EPB41L2: variants seen among roughly 807,000 people sequenced by gnomAD.
EPB41L2 encodes band 4.1-like protein 2.
A neutral mutation model predicts 113.0 loss-of-function variants in EPB41L2; 43 were observed. The ratio of observed to expected loss-of-function variants is 0.38; its 90% confidence interval spans 0.30 to 0.49. The LOEUF (loss-of-function observed/expected upper bound fraction) is 0.49, where lower values mean the gene tolerates loss of function less well. EPB41L2 is among the 20% of genes least tolerant of loss of function. EPB41L2 has a pLI of 0.95. For synonymous variants in EPB41L2, 442 were observed against 436.7 expected, an observed-to-expected ratio of 1.01 and a Z score of -0.15; for missense variants, 1,147 against 1,223.4, an observed-to-expected ratio of 0.94 and a Z score of 0.93.
intron 1 of EPB41L2, among the ~76,000 whole-genome samples, chr6:131,046,386 G>A (rs188252942): frequency 6.6e-6 from 1 of 152,164 alleles, no homozygotes; most frequent in Admixed American, 6.5e-5. Context: ...TAACTAATGA[G>A]TGTACTGGGA....
Position 131,039,407 on chromosome 6 carries a change from C to T in EPB41L2, c.-15+23748G>A, listed in dbSNP as rs140726019. Among the ~76,000 whole-genome samples the T allele has an allele frequency of 1.5e-4, 23 of 152,248 alleles. No homozygotes were observed. The East Asian group carries it at 3.3e-3, about 22-fold the overall frequency. On this transcript the variant is annotated intron_variant, in intron 1 of 19. Transcript: ENST00000337057. ...CTGTTTAACACAAAATTTAACAACACGCAAACCCTTGAAATATTTTGTTCC... is the reference window on the plus strand; with the variant it reads ...CTGTTTAACACAAAATTTAACAACATGCAAACCCTTGAAATATTTTGTTCC...
intron 1 of EPB41L2, among the ~76,000 whole-genome samples, chr6:130,999,213 A>C (rs1343177258): frequency 6.6e-6 from 1 of 151,936 alleles, no homozygotes; most frequent in African/African-American, 2.4e-5. Flanking sequence ...AGAGCTCAGC[A>C]CTTTTCTACA....
intron 1 of EPB41L2, among the ~76,000 whole-genome samples, chr6:130,984,873 G>A (rs1780178428): frequency 6.6e-6 from 1 of 152,292 alleles, no homozygotes. Flanking sequence ...ATGGTAAATA[G>A]AAGAAACTTG....
intron 4 of EPB41L2, among the ~76,000 whole-genome samples, chr6:130,915,138 C>A (rs555349817): frequency 9.9e-5 from 15 of 151,816 alleles, no homozygotes; most frequent in Admixed American, 3.3e-4. Context: ...CCCGTCTCTA[C>A]TAAAAATACA....
chr6:131,033,905 G>A (rs573493600), intron 1 of EPB41L2, among the ~76,000 whole-genome samples: 22 of 152,274 alleles, frequency 1.4e-4, no homozygotes, highest in Admixed American at 9.2e-4. Flanking sequence ...ATGCTTCTGA[G>A]CTGCACATTT....
At chr6:130,968,756 T>G (rs1272663460) in intron 1 of EPB41L2, among the ~76,000 whole-genome samples, 1 of 151,534 alleles carries the variant, frequency 6.6e-6, no homozygotes, top group Non-Finnish European at 1.5e-5. Flanking sequence ...TAAAGTTAAG[T>G]ATTTCTACTC....
At chr6:131,030,683 T>C (rs17060002) in intron 1 of EPB41L2, among the ~76,000 whole-genome samples, 4,176 of 152,274 alleles carry the variant, frequency 0.027, 184 homozygotes, top group African/African-American at 0.094. Context: ...AAAGATGCAT[T>C]TGTAGTCAAA....
intron 3 of EPB41L2, among the ~76,000 whole-genome samples, chr6:130,942,730 C>T (rs1811301356): frequency 6.6e-6 from 1 of 152,162 alleles, no homozygotes; most frequent in Non-Finnish European, 1.5e-5. Context: ...TTAGGTATTT[C>T]TCCTAATGCT....
intron 1 of EPB41L2, among the ~76,000 whole-genome samples, chr6:131,053,272 GT>G (rs1407728297): frequency 2.6e-5 from 4 of 151,562 alleles, no homozygotes; most frequent in African/African-American, 9.7e-5. Context: ...AGAAAATCAT[GT>G]TATTTAGAGA....
intron 1 of EPB41L2, among the ~76,000 whole-genome samples, chr6:130,982,511 T>C (rs1033568617): frequency 2.0e-4 from 30 of 152,038 alleles, no homozygotes; most frequent in Admixed American, 2.0e-3. Context: ...AATAAAAAAA[T>C]AGGGGGAAAT....
At chr6:130,855,289 T>C (rs1298316226) in intron 19 of EPB41L2, among the ~76,000 whole-genome samples, 1 of 151,912 alleles carries the variant, frequency 6.6e-6, no homozygotes, top group Non-Finnish European at 1.5e-5. Context: ...AGGCGGAGGT[T>C]GAAGTGAACC....
At chr6:130,858,105 GC>G (rs769081979) in intron 19 of EPB41L2, 25 bp downstream of exon 19, 4 of 1,558,106 alleles carry the variant, frequency 2.6e-6, no homozygotes, top group Non-Finnish European at 2.7e-6. Context: ...CACTAGAAAG[GC>G]CACAGACAAT....
chr6:130,848,945 A>C (rs552596012), intron 19 of EPB41L2, among the ~76,000 whole-genome samples: 8 of 152,352 alleles, frequency 5.3e-5, no homozygotes, highest in African/African-American at 1.9e-4. Flanking sequence ...GAGGAGAGAC[A>C]CGAAGATGCT....
intron 3 of EPB41L2, among the ~76,000 whole-genome samples, chr6:130,947,024 C>CCA (rs1554291516): frequency 6.3e-5 from 9 of 143,762 alleles, no homozygotes; most frequent in Admixed American, 5.5e-4. Flanking sequence ...AAGACCCCCC[C>CCA]CCCAGCCCCT....
rs115495290 is a variant in EPB41L2 at position 131,054,487 on chromosome 6, C to T, written c.-15+8668G>A. Among the ~76,000 whole-genome samples, 1,016 of 152,302 alleles carry T rather than the reference C, an allele frequency of 6.7e-3. 20 individuals are homozygous for T. The highest frequency in any genetic ancestry group is 0.024 in the African/African-American group (981 of 41,542). The stretch of plus-strand genomic sequence containing the variant: ...AGTTCCTCCAAGTTGGTGCAAGTCC[C>T]TATCTTTCCCTATCTGTCTCTATCT... On this transcript the variant is annotated intron_variant, in intron 1 of 19. Coordinates refer to ENST00000337057, the MANE Select transcript of EPB41L2 (RefSeq NM_001431.4).
intron 1 of EPB41L2, among the ~76,000 whole-genome samples, chr6:131,015,496 A>C (rs908518156): frequency 3.3e-5 from 5 of 152,238 alleles, no homozygotes; most frequent in Admixed American, 3.3e-4. Context: ...TCACAGTTTA[A>C]ACATGGGTTT....
At chr6:130,887,542 A>C (rs1791454176) in intron 11 of EPB41L2, among the ~76,000 whole-genome samples, 1 of 152,006 alleles carries the variant, frequency 6.6e-6, no homozygotes, top group Non-Finnish European at 1.5e-5. Flanking sequence ...GCATGATCTG[A>C]CCCAGGCTTA....
At chr6:130,861,610 G>A (rs574820157) in intron 18 of EPB41L2, among the ~76,000 whole-genome samples, 23 of 152,212 alleles carry the variant, frequency 1.5e-4, no homozygotes, top group African/African-American at 5.5e-4. Context: ...GGTAGCTCAC[G>A]ACTGTAATCC....
At chr6:130,938,586 C>T (rs1447644016) in intron 3 of EPB41L2, among the ~76,000 whole-genome samples, 3 of 152,130 alleles carry the variant, frequency 2.0e-5, no homozygotes, top group Non-Finnish European at 4.4e-5. Context: ...GGCCCTGAAC[C>T]GTGCCTTTCA....
Sources: gnomAD v4.1 joint callset for allele counts (sites outside exome capture counted in the v4.1 genomes callset) on GRCh38, gnomAD v4.1.1 for gene constraint, MANE v1.5 for transcripts, NCBI Gene and HGNC (gene_info 2026-07-23, HGNC 2026-07-21) for gene names.